FAM171B: variants seen among roughly 807,000 people sequenced by gnomAD.
FAM171B encodes the protein family with sequence similarity 171 member B, also known as protein FAM171B.
Under a neutral mutation model 75.6 loss-of-function variants are expected in FAM171B, and 19 were observed. The observed-to-expected ratio is 0.25, with a 90% CI of 0.18 to 0.37. The LOEUF (loss-of-function observed/expected upper bound fraction) is 0.37. Ranked by LOEUF, FAM171B falls within the 10% of genes least tolerant of loss-of-function variation. The pLI, the probability that FAM171B is intolerant of heterozygous loss-of-function variation, is 1.00. For synonymous variants in FAM171B, 367 were observed against 361.7 expected (o/e 1.01, Z -0.17); for missense variants, 848 against 982.4 (o/e 0.86, Z 1.83).
At chr2:186,706,781 C>A (rs1689738673) in intron 1 of FAM171B, among the ~76,000 whole-genome samples, 2 of 152,108 alleles carry the variant, frequency 1.3e-5, no homozygotes, top group Non-Finnish European at 2.9e-5. Context: ...AACCTTGGCC[C>A]AATTTACTCC....
At chr2:186,744,489 A>C (rs13030356) in intron 3 of FAM171B, among the ~76,000 whole-genome samples, 46,140 of 152,152 alleles carry the variant, frequency 0.3, 8,144 homozygotes, top group South Asian at 0.41. Flanking sequence ...TCTCTTACTT[A>C]TGAAATACCA....
chr2:186,734,301 G>A (rs1387079111), intron 1 of FAM171B, among the ~76,000 whole-genome samples: 1 of 151,914 alleles, frequency 6.6e-6, no homozygotes, highest in Non-Finnish European at 1.5e-5. Context: ...CCTCAGCAGA[G>A]AGGAGACCCA....
At chr2:186,720,325 A>C (rs999380945) in intron 1 of FAM171B, among the ~76,000 whole-genome samples, 1 of 152,186 alleles carries the variant, frequency 6.6e-6, no homozygotes, top group Non-Finnish European at 1.5e-5. Context: ...GACGTGAGCC[A>C]CCACACCTGG....
intron 1 of FAM171B, among the ~76,000 whole-genome samples, chr2:186,697,365 C>T (rs979270596): frequency 1.3e-5 from 2 of 152,018 alleles, no homozygotes; most frequent in Non-Finnish European, 2.9e-5. Context: ...GCACAGCCTC[C>T]TGAATAGCTG....
At chr2:186,757,503 G>A (rs572219308) in intron 6 of FAM171B, among the ~76,000 whole-genome samples, 1 of 152,192 alleles carries the variant, frequency 6.6e-6, no homozygotes, top group African/African-American at 2.4e-5. Context: ...TGATCAGCTA[G>A]TGTTTGCAGA....
In FAM171B at chr2:186,694,152, C is replaced by T. The variant is rs766014763; in HGVS notation, c.-22C>T. ...CGCCCGGAGCCCCGCAATATGCCGC[C>T]GCGGCCCTCTGGCTCTAGGCCATGG... On this transcript the variant is annotated 5_prime_UTR_variant, in exon 1 of 8. Transcript: ENST00000304698. 7.1e-6 allele frequency: 11 copies of T among 1,539,308 alleles called. No individual in the cohort carries two copies. The highest frequency in any genetic ancestry group is 1.8e-4 in the Middle Eastern group (1 of 5,630).
chr2:186,764,719 T>C lies in FAM171B; in HGVS notation c.*1896T>C, dbSNP rs1690675203. 1 of 151,910 alleles carries C rather than the reference T, an allele frequency of 6.6e-6. No homozygotes were observed. The highest frequency in any genetic ancestry group is 2.1e-4 in the South Asian group (1 of 4,822). 9.4% of individuals were successfully genotyped at this position (151,910 alleles called of 1,614,324 possible). ...CAGATGTGCAGTTTTATTAAAAATA[T>C]AGACCTAGTGTTTCATGTTGGAACA... On this transcript the variant is annotated 3_prime_UTR_variant, in exon 8 of 8. Transcript: ENST00000304698.
chr2:186,754,196 T>C (rs1690497246), intron 6 of FAM171B, 147 bp downstream of exon 6: 2 of 580,044 alleles, frequency 3.4e-6, no homozygotes, highest in African/African-American at 1.9e-5. Context: ...CTTATTTTTT[T>C]TTCATGTGTA....
chr2:186,724,362 T>C lies in FAM171B; in HGVS notation c.239-15866T>C, dbSNP rs115246609. ...CCTGTGTTTTTGCTGCCCTGGCTAGTTATGTTACAGGAATGTGTCCACATG... is the reference window on the plus strand; with the variant it reads ...CCTGTGTTTTTGCTGCCCTGGCTAGCTATGTTACAGGAATGTGTCCACATG... On this transcript the variant is annotated intron_variant, in intron 1 of 7. Transcript: ENST00000304698. 2.4e-3 allele frequency among the ~76,000 whole-genome samples: 372 copies of C among 152,318 alleles called. 1 individual carries two copies. The highest frequency in any genetic ancestry group is 8.5e-3 in the African/African-American group (355 of 41,580).
rs376341018 is a variant in FAM171B, at chr2:186,735,605, C to G, written c.239-4623C>G. Among the ~76,000 whole-genome samples the G allele has an allele frequency of 2.9e-3, 438 of 152,232 alleles. 1 individual carries two copies. Among genetic ancestry groups the G allele is most frequent in the African/African-American group, 0.01 (421 of 41,510 alleles). On this transcript the variant is annotated intron_variant, in intron 1 of 7. Coordinates refer to ENST00000304698, the MANE Select transcript of FAM171B (RefSeq NM_177454.4). ...TATTTAAACTATAAACTAAATGTCTCTCAATGCTAGCCCAGCCTTAGCCCA... is the reference window on the plus strand; with the variant it reads ...TATTTAAACTATAAACTAAATGTCTGTCAATGCTAGCCCAGCCTTAGCCCA...
intron 1 of FAM171B, among the ~76,000 whole-genome samples, chr2:186,710,619 G>A (rs1055304301): frequency 2.0e-5 from 3 of 151,980 alleles, no homozygotes; most frequent in Non-Finnish European, 2.9e-5. Context: ...CACTGTTAGG[G>A]CTCCTCATTT....
At position 186,694,242 on chromosome 2, in the gene FAM171B, G is replaced by C. The variant is rs759218780; in HGVS notation, c.69G>C (p.Ala23=). ...GCCTGGCCGTGGTGCTGCTGAAAGCGCGGCTGGTCCCCGCGGCCGCCAGAG... is the reference window on the plus strand; with the variant it reads ...GCCTGGCCGTGGTGCTGCTGAAAGCCCGGCTGGTCCCCGCGGCCGCCAGAG... The part of the protein sequence containing the change: ...LLGLAVVLLK[A]RLVPAAARAE... Residue 23 remains alanine (A), a synonymous_variant, in exon 1 of 8, where the codon GCG becomes GCC. Transcript: ENST00000304698. 1.6e-5 allele frequency: 25 copies of C among 1,611,372 alleles called. No individual in the cohort carries two copies. Among genetic ancestry groups the C allele is most frequent in the Non-Finnish European group, 1.9e-5 (22 of 1,179,810 alleles).
intron 1 of FAM171B, among the ~76,000 whole-genome samples, chr2:186,739,003 A>T (rs536073050): frequency 6.6e-5 from 10 of 152,200 alleles, no homozygotes; most frequent in Non-Finnish European, 1.5e-4. Flanking sequence ...TATTGCTCCT[A>T]AGCTGCAAGT....
At chr2:186,725,394 C>T (rs547216997) in intron 1 of FAM171B, among the ~76,000 whole-genome samples, 32 of 151,730 alleles carry the variant, frequency 2.1e-4, no homozygotes, top group Non-Finnish European at 3.5e-4. Context: ...TCATCTGTTA[C>T]GCCAAACATG....
chr2:186,737,510 C>G (rs1254880130), intron 1 of FAM171B, among the ~76,000 whole-genome samples: 1 of 152,126 alleles, frequency 6.6e-6, no homozygotes, highest in African/African-American at 2.4e-5. Context: ...GTACACCCAG[C>G]TAATTTCAAG....
In FAM171B at chr2:186,740,458, C is replaced by A; in HGVS notation, c.469C>A (p.Pro157Thr). 1.9e-6 allele frequency: 3 copies of A among 1,606,044 alleles called. No individual in the cohort carries two copies. The highest frequency in any genetic ancestry group is 1.1e-5 in the South Asian group (1 of 89,864). The change falls in exon 2 of 8, where the codon CCA becomes ACA. Residue 157 changes from proline to threonine, a missense_variant. By Grantham distance (38) the Pro-to-Thr change is conservative. Transcript: ENST00000304698. ...TCTGCCTTGGAAAACCAGAAGAATG[C>A]CAAGTAAGCACTTAAACAGTTTTTT... ...TPLPWKTRRM[P>T]IYSSVTLSLF...
chr2:186,716,614 C>G (rs564234213), intron 1 of FAM171B, among the ~76,000 whole-genome samples: 30 of 152,024 alleles, frequency 2.0e-4, no homozygotes, highest in Non-Finnish European at 3.7e-4. Context: ...TTATCTTTGG[C>G]TTTGTAGTAT....
chr2:186,704,191 A>G (rs1300440797), intron 1 of FAM171B, among the ~76,000 whole-genome samples: 1 of 152,106 alleles, frequency 6.6e-6, no homozygotes. Flanking sequence ...CTATGACTTA[A>G]TACTTCTAAA....
chr2:186,694,843 G>A (rs549089615), intron 1 of FAM171B, among the ~76,000 whole-genome samples: 1 of 150,848 alleles, frequency 6.6e-6, no homozygotes, highest in African/African-American at 2.4e-5. Context: ...TTCTCTCCTA[G>A]AGACTGAGAA....
Sources: gnomAD v4.1 joint callset for allele counts (sites outside exome capture counted in the v4.1 genomes callset) on GRCh38, gnomAD v4.1.1 for gene constraint, MANE v1.5 for transcripts, NCBI Gene and HGNC (gene_info 2026-07-23, HGNC 2026-07-21) for gene names.